Variants in SHCBP1 observed in about 807,000 individuals in gnomAD.
SHCBP1 encodes the protein SHC SH2 domain-binding protein 1.
SHCBP1 carries 60 observed loss-of-function variants against 75.1 expected under a neutral mutation model. The observed-to-expected ratio is 0.80, with a 90% confidence interval of 0.65 to 0.99. SHCBP1 has a LOEUF of 0.99. SHCBP1 is among the 50% of genes least tolerant of loss of function. The pLI is 0.00. For synonymous variants in SHCBP1, 290 were observed against 293.2 expected, an observed-to-expected ratio of 0.99 and a Z score of 0.11; for missense variants, 709 against 809.4, an observed-to-expected ratio of 0.88 and a Z score of 1.50.
intron 9 of SHCBP1, among the ~76,000 whole-genome samples, chr16:46,597,305 G>A (rs1296449000): frequency 1.3e-5 from 2 of 152,038 alleles, no homozygotes; most frequent in East Asian, 3.9e-4. Context: ...GCTACTTGGG[G>A]GGCAAAGGCA....
At chr16:46,591,182 G>A (rs1309854157) in intron 10 of SHCBP1, among the ~76,000 whole-genome samples, 5 of 152,108 alleles carry the variant, frequency 3.3e-5, no homozygotes, top group African/African-American at 7.2e-5. Flanking sequence ...TGAGGGGAGC[G>A]GGGAGGGATA....
Position 46,578,717 on chromosome 16 carries a change from G to T in SHCBP1, c.*3012C>A, listed in dbSNP as rs1964828421. Among the ~76,000 whole-genome samples the T allele has an allele frequency of 6.6e-6, 1 of 151,980 alleles. No individual in the cohort carries two copies. The highest frequency in any genetic ancestry group is 1.5e-5 in the Non-Finnish European group (1 of 67,990). ...ATTTAATCACAGAATAAAACAAAAT[G>T]TTATAAAATTAAATGCTATGCATAA... On this transcript the variant is annotated 3_prime_UTR_variant, in exon 13 of 13. Transcript: ENST00000303383.
rs535206231 is a variant in SHCBP1 at position 46,616,464 on chromosome 16, G to A, written c.388-310C>T. Among the ~76,000 whole-genome samples, 3 of 152,280 alleles carry A rather than the reference G, an allele frequency of 2.0e-5. No individual in the cohort carries two copies. The highest frequency in any genetic ancestry group is 1.9e-4 in the East Asian group (1 of 5,184). ...AGGCTGAGGAGGATGAGAAGGAAGC[G>A]GCCATCTGAAGAGCTGGGAAAGCAC... On this transcript the variant is annotated intron_variant, in intron 3 of 12. Transcript: ENST00000303383. The surrounding 1 kb of genome is among the most constrained non-coding windows in gnomAD (Gnocchi z 4.4).
At chr16:46,608,218 T>C in intron 5 of SHCBP1, 79 bp downstream of exon 5, 1 of 824,006 alleles carries the variant, frequency 1.2e-6, no homozygotes, top group East Asian at 2.6e-5. Flanking sequence ...TGTGTGTGTG[T>C]GTATCTCACA....
At chr16:46,609,087 C>A (rs1297748549) in intron 4 of SHCBP1, among the ~76,000 whole-genome samples, 1 of 152,136 alleles carries the variant, frequency 6.6e-6, no homozygotes, top group Non-Finnish European at 1.5e-5. Flanking sequence ...GCTATCAACA[C>A]ATTGATGGTG....
chr16:46,611,947 TGG>T (rs1965422337), intron 4 of SHCBP1, among the ~76,000 whole-genome samples: 1 of 152,248 alleles, frequency 6.6e-6, no homozygotes, highest in Non-Finnish European at 1.5e-5. Flanking sequence ...CTTCATGTAT[TGG>T]TTGGAATACT....
chr16:46,583,630 GA>G lies in SHCBP1; in HGVS notation c.1578del (p.Lys528ArgfsTer5), dbSNP rs749037195. 6.2e-7 allele frequency: 1 copy of G among 1,606,458 alleles called. No individual in the cohort carries two copies. The highest frequency in any genetic ancestry group is 8.5e-7 in the Non-Finnish European group (1 of 1,178,442). ...IKDFLDEHYDIPKISMVNNII... is the reference protein window; with the variant it reads ...IKDFLDEHYDXPKISMVNNII... The stretch of plus-strand genomic sequence containing the variant: ...ATATTATTCACCATGGATATCTTGG[GA>G]ATGTCATAATGTTCATCTAAGAAGT... On this transcript the variant is annotated frameshift_variant, in exon 12 of 13. Transcript: ENST00000303383. LOFTEE classifies it high-confidence loss of function.
At chr16:46,595,775 G>A in intron 9 of SHCBP1, 105 bp from the exon 10 acceptor site, 4 of 639,440 alleles carry the variant, frequency 6.3e-6, no homozygotes, top group Non-Finnish European at 7.8e-6. Flanking sequence ...ATTTCTCAAT[G>A]GCTATCATTT....
intron 10 of SHCBP1, among the ~76,000 whole-genome samples, chr16:46,585,519 A>AC (rs980526824): frequency 6.6e-6 from 1 of 152,054 alleles, no homozygotes; most frequent in Non-Finnish European, 1.5e-5. Flanking sequence ...ACAGACATAC[A>AC]CCCAAAAAAA....
In SHCBP1 at chr16:46,604,270, T is replaced by A. The variant is rs764408135; in HGVS notation, c.881A>T (p.Gln294Leu). ...AATGAGTTTCAGCTTTTGTTTCAAC[T>A]GTTCCATCTCCGAATACAATTTTAA... ...EGLKLYSEME[Q>L]LKQKLKLIEN... The change falls in exon 6 of 13, where the codon CAG becomes CTG. Residue 294 changes from glutamine (Q) to leucine (L), a missense_variant. Gln to Leu is a moderately radical substitution (Grantham distance 113, BLOSUM62 -2). Coordinates refer to ENST00000303383, the MANE Select transcript of SHCBP1 (RefSeq NM_024745.5). The A allele has an allele frequency of 1.2e-6, 2 of 1,614,246 alleles. No individual in the cohort carries two copies. Among genetic ancestry groups the A allele is most frequent in the Non-Finnish European group, 8.5e-7 (1 of 1,180,034 alleles).
chr16:46,589,796 T>C (rs1965013315), intron 10 of SHCBP1, among the ~76,000 whole-genome samples: 1 of 152,206 alleles, frequency 6.6e-6, no homozygotes, highest in African/African-American at 2.4e-5. Flanking sequence ...CCAAGGACTT[T>C]CTTCACAGAA....
chr16:46,593,453 G>A (rs891600024), intron 10 of SHCBP1, among the ~76,000 whole-genome samples: 15 of 152,150 alleles, frequency 9.9e-5, no homozygotes, highest in Admixed American at 4.6e-4. Context: ...AGATTTGGCT[G>A]GGTGTGGGGG....
chr16:46,590,489 A>T (rs1965026872), intron 10 of SHCBP1, among the ~76,000 whole-genome samples: 1 of 152,222 alleles, frequency 6.6e-6, no homozygotes, highest in Non-Finnish European at 1.5e-5. Flanking sequence ...AAACAACCCC[A>T]TCAAAAAGTG....
chr16:46,588,407 AT>A (rs1260041905), intron 10 of SHCBP1, among the ~76,000 whole-genome samples: 3 of 152,206 alleles, frequency 2.0e-5, no homozygotes, highest in Non-Finnish European at 4.4e-5. Context: ...GATTAACAAA[AT>A]TGACAGACCA....
At chr16:46,619,942 G>A (rs1965559460) in intron 1 of SHCBP1, among the ~76,000 whole-genome samples, 1 of 152,150 alleles carries the variant, frequency 6.6e-6, no homozygotes, top group Admixed American at 6.5e-5. Flanking sequence ...GGCTGAGGCA[G>A]GAGAATCATT....
At chr16:46,601,346 A>T (rs1224929641) in intron 8 of SHCBP1, among the ~76,000 whole-genome samples, 1 of 152,178 alleles carries the variant, frequency 6.6e-6, no homozygotes, top group African/African-American at 2.4e-5. Context: ...GATCTGTATA[A>T]ATCTTACTCA....
chr16:46,582,175 C>G, intron 12 of SHCBP1, 121 bp from the exon 13 acceptor site: 2 of 986,414 alleles, frequency 2.0e-6, no homozygotes, highest in Non-Finnish European at 2.9e-6. Context: ...GGTTCCCTGA[C>G]CCTCACACAG....
chr16:46,596,786 G>A (rs1965150916), intron 9 of SHCBP1, among the ~76,000 whole-genome samples: 2 of 150,880 alleles, frequency 1.3e-5, no homozygotes, highest in Admixed American at 1.3e-4. Context: ...GGAGTGCAGT[G>A]GTGCGATCTT....
rs778567842 is a variant in SHCBP1 at position 46,616,107 on chromosome 16, A to T, written c.435T>A (p.Ala145=). 1.2e-6 allele frequency: 2 copies of T among 1,614,108 alleles called. No homozygotes were observed. The highest frequency in any genetic ancestry group is 1.7e-5 in the Admixed American group (1 of 59,988). ...FAALKAVVRL[A]EPYLCDSQVS... is the part of the protein sequence containing the mutation. The stretch of plus-strand genomic sequence containing the variant: ...CTTGAGAGTCACAGAGGTATGGTTC[A>T]GCAAGCCTCACCACTGCCTTCAAGG... The change falls in exon 4 of 13, where the codon GCT becomes GCA. Residue 145 remains alanine, a synonymous_variant. Transcript: ENST00000303383. This position sits in a 1 kb window ranked among gnomAD's most constrained non-coding sequence, Gnocchi z 4.4.
Sources: allele counts gnomAD v4.1 joint callset (sites outside exome capture counted in the v4.1 genomes callset), GRCh38; gene constraint gnomAD v4.1.1; non-coding constraint Gnocchi (gnomAD v3.1); transcripts MANE v1.5; gene names NCBI Gene and HGNC (gene_info 2026-07-23, HGNC 2026-07-21).